The following TMEM131L variants were observed in gnomAD, a reference collection of about 807,000 sequenced individuals.
The protein encoded by TMEM131L is transmembrane 131 like.
In TMEM131L, 54 loss-of-function variants were observed where a neutral mutation model predicts 192.2. That is an observed-to-expected ratio of 0.28 (90% CI 0.23 to 0.35). The LOEUF (loss-of-function observed/expected upper bound fraction) is 0.35, where lower values mean the gene tolerates loss of function less well. Ranked by LOEUF, TMEM131L falls within the 10% of genes least tolerant of loss-of-function variation. TMEM131L has a pLI of 1.00. For synonymous variants in TMEM131L, 701 were observed against 704.9 expected (o/e 0.99, Z 0.09); for missense variants, 1,888 against 1,972.9 (o/e 0.96, Z 0.82).
At chr4:153,480,036 CT>C (rs1399826771) in intron 3 of TMEM131L, among the ~76,000 whole-genome samples, 1 of 152,182 alleles carries the variant, frequency 6.6e-6, no homozygotes, top group Non-Finnish European at 1.5e-5. Flanking sequence ...GAAACACCGT[CT>C]CTACTAAAAA....
At chr4:153,500,102 CTT>C (rs1733490507) in intron 3 of TMEM131L, among the ~76,000 whole-genome samples, 1 of 151,132 alleles carries the variant, frequency 6.6e-6, no homozygotes, top group Non-Finnish European at 1.5e-5. Context: ...TCCCTCCCTT[CTT>C]TCTTTTTGCA....
chr4:153,591,512 G>C (rs1008608603), intron 17 of TMEM131L, among the ~76,000 whole-genome samples: 1 of 152,186 alleles, frequency 6.6e-6, no homozygotes, highest in South Asian at 2.1e-4. Context: ...AGCGAGTCAG[G>C]TTGTGCTCTC....
intron 7 of TMEM131L, among the ~76,000 whole-genome samples, chr4:153,566,940 G>A (rs574257189): frequency 2.6e-5 from 4 of 152,342 alleles, no homozygotes; most frequent in South Asian, 2.1e-4. Flanking sequence ...CCTCGTGCCC[G>A]CCTGCCAGGG....
At chr4:153,522,492 TC>T (rs1735188742) in intron 3 of TMEM131L, among the ~76,000 whole-genome samples, 1 of 152,240 alleles carries the variant, frequency 6.6e-6, no homozygotes, top group Middle Eastern at 3.4e-3. Context: ...TCCCTGGGAC[TC>T]GGTCTGTGTG....
At chr4:153,576,755 T>G (rs1729973229) in intron 7 of TMEM131L, among the ~76,000 whole-genome samples, 1 of 152,172 alleles carries the variant, frequency 6.6e-6, no homozygotes. Flanking sequence ...TTTTTGAAAG[T>G]TTCAGATCAG....
chr4:153,556,277 T>C (rs77009952), intron 5 of TMEM131L, among the ~76,000 whole-genome samples: 2,506 of 152,292 alleles, frequency 0.016, 87 homozygotes, highest in African/African-American at 0.057. Context: ...AAGTTTATGG[T>C]TGAGACCTCT....
At chr4:153,562,238 A>G (rs1728894007) in intron 7 of TMEM131L, among the ~76,000 whole-genome samples, 1 of 152,054 alleles carries the variant, frequency 6.6e-6, no homozygotes, top group African/African-American at 2.4e-5. Context: ...GGGTTTCACC[A>G]TGTTGATCAG....
chr4:153,489,778 AT>A lies in TMEM131L; in HGVS notation c.239+15902del, dbSNP rs879823028. Among the ~76,000 whole-genome samples, 954 of 147,022 alleles carry A rather than the reference AT, an allele frequency of 6.5e-3. 15 individuals carry two copies. The highest frequency in any genetic ancestry group is 0.019 in the African/African-American group (784 of 40,464). ...GGTGTGAGCCACTGCGCCTGGCCCA[AT>A]TTTTTTTTTTTCTTGCGGAAAATAA... On this transcript the variant is annotated intron_variant, in intron 3 of 34. Coordinates refer to ENST00000409959, the MANE Select transcript of TMEM131L (RefSeq NM_001131007.2).
At chr4:153,602,804 G>T in intron 23 of TMEM131L, 77 bp downstream of exon 23, 1 of 1,280,306 alleles carries the variant, frequency 7.8e-7, no homozygotes, top group Non-Finnish European at 1.1e-6. Context: ...AACGTGAACT[G>T]CCCGAGTGTA....
At chr4:153,467,090 C>T (rs1459211825) in intron 1 of TMEM131L, 121 bp from the exon 2 acceptor site, 5 of 976,670 alleles carry the variant, frequency 5.1e-6, no homozygotes, top group African/African-American at 3.2e-5. Context: ...GGCCTCTGTT[C>T]CCAGGAGGAA....
intron 7 of TMEM131L, among the ~76,000 whole-genome samples, chr4:153,579,436 G>GTGTTTAA (rs1730186873): frequency 6.6e-6 from 1 of 152,072 alleles, no homozygotes; most frequent in African/African-American, 2.4e-5. Flanking sequence ...CTTTAAAAGA[G>GTGTTTAA]TGTTTAATGT....
Position 153,537,247 on chromosome 4 carries a change from C to G in TMEM131L, c.240-12826C>G, listed in dbSNP as rs1174053552. 2.6e-5 allele frequency among the ~76,000 whole-genome samples: 4 copies of G among 152,148 alleles called. No individual in the cohort carries two copies. In the East Asian group the frequency reaches 7.7e-4, roughly 29 times the overall value. Reference sequence around the variant, plus strand: ...CTTGTACTCATCTTTATGGTTAACTCCACCTTTGTAGATTGTTCCTGATTG... The same window carrying G: ...CTTGTACTCATCTTTATGGTTAACTGCACCTTTGTAGATTGTTCCTGATTG... On this transcript the variant is annotated intron_variant, in intron 3 of 34. Coordinates refer to ENST00000409959, the MANE Select transcript of TMEM131L (RefSeq NM_001131007.2).
Position 153,579,596 on chromosome 4 carries a change from C to G in TMEM131L, c.661-1230C>G, listed in dbSNP as rs539567833. Among the ~76,000 whole-genome samples the G allele has an allele frequency of 2.6e-3, 399 of 152,234 alleles. 1 individual carries two copies. Among genetic ancestry groups the G allele is most frequent in the African/African-American group, 9.4e-3 (392 of 41,532 alleles). On this transcript the variant is annotated intron_variant, in intron 7 of 34. Transcript: ENST00000409959. Reference sequence around the variant, plus strand: ...AATCAATCATCCCACCTCAGCCTTCCTAGTAGCTGGGACTATAAGCGCACA... The same window carrying G: ...AATCAATCATCCCACCTCAGCCTTCGTAGTAGCTGGGACTATAAGCGCACA...
Position 153,612,333 on chromosome 4 carries a change from A to C in TMEM131L, c.3500A>C (p.Glu1167Ala). 1 of 1,601,864 alleles carries C rather than the reference A, an allele frequency of 6.2e-7. No homozygotes were observed. Among genetic ancestry groups the C allele is most frequent in the Non-Finnish European group, 8.5e-7 (1 of 1,175,526 alleles). ...LKKVDTKPSS[E>A]KKIHKTSRED... ...AAGGTGGACACAAAGCCTTCTTCAG[A>C]AAAGAAGATTCACAAAACATCTAGA... is the stretch of plus-strand genomic sequence containing the variant. Residue 1167 changes from glutamate (E) to alanine (A), a missense_variant, in exon 26 of 35, where the codon GAA becomes GCA. Glu to Ala is a moderately radical substitution (Grantham distance 107). Transcript: ENST00000409959.
intron 3 of TMEM131L, 100 bp downstream of exon 3, chr4:153,473,988 T>C (rs1731347554): frequency 1.4e-6 from 1 of 709,952 alleles, no homozygotes; most frequent in African/African-American, 1.8e-5. Flanking sequence ...ATGTATTTAG[T>C]AGTATCTGTA....
intron 14 of TMEM131L, among the ~76,000 whole-genome samples, chr4:153,587,200 A>C (rs539034449): frequency 6.6e-6 from 1 of 152,088 alleles, no homozygotes; most frequent in Admixed American, 6.5e-5. Context: ...CAAGAGATGC[A>C]TGTCAGCAGA....
chr4:153,481,267 C>T (rs1460746381), intron 3 of TMEM131L, among the ~76,000 whole-genome samples: 1 of 152,154 alleles, frequency 6.6e-6, no homozygotes, highest in Non-Finnish European at 1.5e-5. Flanking sequence ...TTACCTTTCT[C>T]AGGGTACCCA....
chr4:153,604,711 A>G (rs1732095443), intron 25 of TMEM131L, among the ~76,000 whole-genome samples: 1 of 151,962 alleles, frequency 6.6e-6, no homozygotes, highest in African/African-American at 2.4e-5. Context: ...AATTTTATTT[A>G]TTTATTTATT....
At chr4:153,521,703 C>T (rs1359553960) in intron 3 of TMEM131L, among the ~76,000 whole-genome samples, 2 of 152,042 alleles carry the variant, frequency 1.3e-5, no homozygotes, top group Non-Finnish European at 2.9e-5. Flanking sequence ...CCGCTCAAGC[C>T]CGTAGCACCC....
Sources: gnomAD v4.1 joint callset for allele counts (sites outside exome capture counted in the v4.1 genomes callset) on GRCh38, gnomAD v4.1.1 for gene constraint, MANE v1.5 for transcripts, NCBI Gene and HGNC (gene_info 2026-07-23, HGNC 2026-07-21) for gene names.